The following CTSV variants were observed in gnomAD, a reference collection of about 807,000 sequenced individuals.
CTSV encodes the protein cathepsin L2.
A neutral mutation model predicts 35.6 loss-of-function variants in CTSV; 33 were observed. The observed-to-expected ratio is 0.93, with a 90% CI of 0.70 to 1.24. The LOEUF is 1.24. Ranked by LOEUF, CTSV falls within the 50% of genes most tolerant of loss-of-function variation. The pLI is 0.00. For missense variants in CTSV, 408 were observed against 413.1 expected, an observed-to-expected ratio of 0.99 and a Z score of 0.11; for synonymous variants, 154 against 147.1, an observed-to-expected ratio of 1.05 and a Z score of -0.34.
rs1280662993 is a variant in CTSV, at chr9:97,032,851, A to C, written c.*98T>G. ...TCTCAACTTGGATCCTCAATGATTC[A>C]ACTGGTTTATCTTACACAATAAGCG... On this transcript the variant is annotated 3_prime_UTR_variant, in exon 8 of 8. Transcript: ENST00000259470. 6.8e-6 allele frequency: 5 copies of C among 736,158 alleles called. No homozygotes were observed. The highest frequency in any genetic ancestry group is 1.1e-5 in the Non-Finnish European group (5 of 463,052). 45.6% of individuals were successfully genotyped at this position (736,158 alleles called of 1,614,324 possible). A position where few individuals can be genotyped will look rare whatever the true frequency, so the allele number is the denominator to read the frequency against.
upstream of CTSV, chr9:97,039,643 G>A (rs1828923319): frequency 1.3e-5 from 2 of 151,884 alleles, no homozygotes; most frequent in South Asian, 4.2e-4. Flanking sequence ...GGCTTTAGAA[G>A]AATCTGGTAA....
rs1310366800 is a variant in CTSV, at chr9:97,030,426, T to C, written c.*2523A>G. The C allele has an allele frequency of 2.0e-5, 3 of 152,114 alleles. No homozygotes were observed. Among genetic ancestry groups the C allele is most frequent in the Non-Finnish European group, 2.9e-5 (2 of 68,014 alleles). 9.4% of individuals were successfully genotyped at this position (152,114 alleles called of 1,614,324 possible). ...AACAAACAATTTAGATGTTCGAGTATAGGAAATATTTGCCGAGACCAGCTT... is the reference window on the plus strand; with the variant it reads ...AACAAACAATTTAGATGTTCGAGTACAGGAAATATTTGCCGAGACCAGCTT... On this transcript the variant is annotated 3_prime_UTR_variant, in exon 8 of 8. Coordinates refer to ENST00000259470, the MANE Select transcript of CTSV (RefSeq NM_001333.4).
intron 7 of CTSV, among the ~76,000 whole-genome samples, chr9:97,033,844 C>T (rs1828800081): frequency 1.3e-5 from 2 of 152,008 alleles, no homozygotes; most frequent in Admixed American, 6.6e-5. Context: ...GTCTGTAATA[C>T]CAGTGCTTTG....
At position 97,035,753 on chromosome 9, in the gene CTSV, G is replaced by A; in HGVS notation, c.622-60C>T. The A allele has an allele frequency of 5.8e-6, 7 of 1,212,500 alleles. No homozygotes were observed. In the South Asian group the frequency reaches 2.1e-4, roughly 37 times the overall value. 75.1% of individuals were successfully genotyped at this position (1,212,500 alleles called of 1,614,324 possible). A position where few individuals can be genotyped will look rare whatever the true frequency, so the allele number is the denominator to read the frequency against. On this transcript the variant is annotated intron_variant, in intron 5 of 7. Coordinates refer to ENST00000259470, the MANE Select transcript of CTSV (RefSeq NM_001333.4). ...ACCATCTACCTCCTGGGGAACATTA[G>A]TTCTAGAACCGAAACACTCAGCAAT...
intron 1 of CTSV, chr9:97,038,695 G>A (rs1828901109): frequency 6.6e-6 from 1 of 152,324 alleles, no homozygotes; most frequent in South Asian, 2.1e-4. Context: ...GGCAGCTCCC[G>A]GAGCTCCGGG....
Position 97,035,627 on chromosome 9 carries a change from G to T in CTSV, c.688C>A (p.Pro230Thr), listed in dbSNP as rs762530561. Reference protein sequence around the residue: ...ANDTGFTVVAPGKEKALMKAV... With the variant: ...ANDTGFTVVATGKEKALMKAV... The stretch of plus-strand genomic sequence containing the variant: ...TTCATCAGGGCCTTCTCCTTTCCAG[G>T]TGCGACCACTGTGAAGCCAGTGTCA... Residue 230 changes from proline to threonine, a missense_variant, in exon 6 of 8, where the codon CCT (proline) becomes ACT (threonine). Coordinates refer to ENST00000259470, the MANE Select transcript of CTSV (RefSeq NM_001333.4). 3 of 1,604,554 alleles carry T rather than the reference G, an allele frequency of 1.9e-6. No individual in the cohort carries two copies. The African/African-American group carries it at 4.0e-5, about 22-fold the overall frequency.
In CTSV at chr9:97,037,763, A is replaced by C. The variant is rs530207846; in HGVS notation, c.127-148T>G. The C allele has an allele frequency of 1.1e-4, 148 of 1,358,062 alleles. No individual in the cohort carries two copies. The African/African-American group carries it at 2.0e-3, about 19-fold the overall frequency. 84.1% of individuals were successfully genotyped at this position (1,358,062 alleles called of 1,614,324 possible). On this transcript the variant is annotated intron_variant, in intron 2 of 7. Coordinates refer to ENST00000259470, the MANE Select transcript of CTSV (RefSeq NM_001333.4). ...GAGCTGTTCTCCAAGCCAAGACACA[A>C]TGGAGATATATGCCCATATTGCACC...
chr9:97,030,668 C>T lies in CTSV; in HGVS notation c.*2281G>A, dbSNP rs1357764947. The T allele has an allele frequency of 6.6e-6, 1 of 152,180 alleles. No individual in the cohort carries two copies. Among genetic ancestry groups the T allele is most frequent in the Non-Finnish European group, 1.5e-5 (1 of 68,032 alleles). 9.4% of individuals were successfully genotyped at this position (152,180 alleles called of 1,614,324 possible). On this transcript the variant is annotated 3_prime_UTR_variant, in exon 8 of 8. Coordinates refer to ENST00000259470, the MANE Select transcript of CTSV (RefSeq NM_001333.4). ...TATTCCTTCCCAAACGAAACAAAGG[C>T]ATGGGGTCTGGCTAGTTATCTGCAG...
intron 1 of CTSV, among the ~76,000 whole-genome samples, chr9:97,038,726 A>G (rs1430570597): frequency 6.6e-6 from 1 of 152,130 alleles, no homozygotes; most frequent in African/African-American, 2.4e-5. Flanking sequence ...CCGGGGCCGC[A>G]CCGCCTGCTC....
At chr9:97,037,763 A>T (rs530207846) in intron 2 of CTSV, 148 bp from the exon 3 acceptor site, 4 of 1,357,944 alleles carry the variant, frequency 2.9e-6, no homozygotes, top group Non-Finnish European at 4.1e-6. Flanking sequence ...CCAAGACACA[A>T]TGGAGATATA....
At chr9:97,036,803 C>T (rs1008859012) in intron 4 of CTSV, 56 bp from the exon 5 acceptor site, 2 of 1,355,478 alleles carry the variant, frequency 1.5e-6, no homozygotes, top group Non-Finnish European at 2.0e-6. Flanking sequence ...AAATACAGTA[C>T]CCCATAATTG....
At chr9:97,036,364 T>A in intron 5 of CTSV, 159 bp downstream of exon 5, 1 of 687,878 alleles carries the variant, frequency 1.5e-6, no homozygotes, top group South Asian at 1.7e-5. Flanking sequence ...CCACCACGCC[T>A]GGCCAAAGGC....
At chr9:97,034,703 C>G in intron 7 of CTSV, 23 bp downstream of exon 7, 1 of 1,572,430 alleles carries the variant, frequency 6.4e-7, no homozygotes, top group Non-Finnish European at 8.8e-7. Context: ...CAAAAATTCC[C>G]TTTTCAATTT....
At chr9:97,035,308 G>A (rs2119231533) in intron 6 of CTSV, among the ~76,000 whole-genome samples, 1 of 152,292 alleles carries the variant, frequency 6.6e-6, no homozygotes, top group Non-Finnish European at 1.5e-5. Flanking sequence ...AAATAGTTTG[G>A]AAAATTAGGT....
Position 97,037,327 on chromosome 9 carries a change from A to G in CTSV, c.321T>C (p.Arg107=). 4 of 1,614,172 alleles carry G rather than the reference A, an allele frequency of 2.5e-6. No individual in the cohort carries two copies. Among genetic ancestry groups the G allele is most frequent in the Non-Finnish European group, 3.4e-6 (4 of 1,180,022 alleles). The change falls in exon 4 of 8, where the codon CGT becomes CGC. Residue 107 remains arginine, a synonymous_variant. Coordinates refer to ENST00000259470, the MANE Select transcript of CTSV (RefSeq NM_001333.4). The stretch of plus-strand genomic sequence containing the variant: ...TGGGAAGATCAAGAAACAGAGGCTC[A>G]CGGAACACTTTCCCCTTCCTGAATT... ...NQKFRKGKVF[R]EPLFLDLPKS... is the part of the protein sequence containing the mutation.
rs1828875634 is a variant in CTSV, at chr9:97,037,530, T to G, written c.212A>C (p.His71Pro). 1 of 1,614,078 alleles carries G rather than the reference T, an allele frequency of 6.2e-7. No individual in the cohort carries two copies. Among genetic ancestry groups the G allele is most frequent in the African/African-American group, 1.3e-5 (1 of 74,928 alleles). The stretch of plus-strand genomic sequence containing the variant: ...AGCATTCATGGCCATTGTGAAGCCA[T>G]GTTTCCCTTGGCTGTATTCCCCATT... Reference protein sequence around the residue: ...LHNGEYSQGKHGFTMAMNAFG... With the variant: ...LHNGEYSQGKPGFTMAMNAFG... The change falls in exon 3 of 8, where the codon CAT (histidine) becomes CCT (proline). Residue 71 changes from histidine to proline, a missense_variant. Transcript: ENST00000259470.
At chr9:97,037,137 C>A in intron 4 of CTSV, 115 bp downstream of exon 4, 1 of 1,195,882 alleles carries the variant, frequency 8.4e-7, no homozygotes, top group South Asian at 1.6e-5. Context: ...ACACCAAAAA[C>A]CAAAAATACA....
chr9:97,033,266 C>A (rs1449872118), intron 7 of CTSV, among the ~76,000 whole-genome samples: 1 of 151,952 alleles, frequency 6.6e-6, no homozygotes. Context: ...CACTTGAGGT[C>A]AGGAGTTTGA....
Position 97,035,568 on chromosome 9 carries a change from A to G in CTSV, c.747T>C (p.Ala249=). The change falls in exon 6 of 8, where the codon GCT becomes GCC. Residue 249 remains alanine, a synonymous_variant. Transcript: ENST00000259470. The part of the protein sequence containing the change: ...AVATVGPISV[A]MDAGHSSFQF... ...GGAAGGACGAATGGCCTGCATCCATAGCAACGGAGATGGGCCCCACAGTTG... is the reference window on the plus strand; with the variant it reads ...GGAAGGACGAATGGCCTGCATCCATGGCAACGGAGATGGGCCCCACAGTTG... The G allele has an allele frequency of 1.3e-6, 2 of 1,589,510 alleles. No individual in the cohort carries two copies. Among genetic ancestry groups the G allele is most frequent in the Non-Finnish European group, 1.7e-6 (2 of 1,165,732 alleles).
Sources: allele counts gnomAD v4.1 joint callset (sites outside exome capture counted in the v4.1 genomes callset), GRCh38; gene constraint gnomAD v4.1.1; transcripts MANE v1.5; gene names NCBI Gene and HGNC (gene_info 2026-07-23, HGNC 2026-07-21).